The following RNLS variants were observed in gnomAD, a reference collection of about 807,000 sequenced individuals.
RNLS encodes renalase.
In RNLS, 39 loss-of-function variants were observed where a neutral mutation model predicts 39.8. The ratio of observed to expected loss-of-function variants is 0.98; its 90% CI spans 0.76 to 1.28. The LOEUF (loss-of-function observed/expected upper bound fraction) is 1.28. Ranked by LOEUF, RNLS falls within the 50% of genes most tolerant of loss-of-function variation. The pLI is 0.00. For missense variants in RNLS, 410 were observed against 413.3 expected, an observed-to-expected ratio of 0.99 and a Z score of 0.07; for synonymous variants, 147 against 150.7, an observed-to-expected ratio of 0.98 and a Z score of 0.18.
chr10:88,407,172 C>A (rs1319219683), intron 4 of RNLS, among the ~76,000 whole-genome samples: 5 of 152,054 alleles, frequency 3.3e-5, no homozygotes, highest in Non-Finnish European at 7.4e-5. Flanking sequence ...TAACCAAATA[C>A]CTCCTGAATC....
At chr10:88,435,801 C>T (rs1245747100) in intron 4 of RNLS, among the ~76,000 whole-genome samples, 1 of 152,074 alleles carries the variant, frequency 6.6e-6, no homozygotes, top group South Asian at 2.1e-4. Flanking sequence ...CCAGTGGCTA[C>T]CATGTGGAAA....
intron 4 of RNLS, among the ~76,000 whole-genome samples, chr10:88,399,532 C>T (rs1852785405): frequency 6.6e-6 from 1 of 151,864 alleles, no homozygotes; most frequent in African/African-American, 2.4e-5. Context: ...AAAAAGCAGA[C>T]ACACAAGTCC....
chr10:88,392,184 G>A (rs1393823308), intron 4 of RNLS, among the ~76,000 whole-genome samples: 1 of 152,238 alleles, frequency 6.6e-6, no homozygotes, highest in Non-Finnish European at 1.5e-5. Context: ...GCCTGAGGCA[G>A]TACATAAGAG....
chr10:88,390,686 C>A (rs1268956085), intron 4 of RNLS, among the ~76,000 whole-genome samples: 1 of 152,050 alleles, frequency 6.6e-6, no homozygotes, highest in Non-Finnish European at 1.5e-5. Flanking sequence ...AATGGTACTG[C>A]CTTCTAGGGG....
intron 4 of RNLS, among the ~76,000 whole-genome samples, chr10:88,473,425 A>AACACACAC (rs112846794): frequency 6.6e-6 from 1 of 150,480 alleles, no homozygotes; most frequent in Admixed American, 6.6e-5. Flanking sequence ...TGGGTAGTAA[A>AACACACAC]ACACACACAC....
chr10:88,269,389 T>G (rs1243691860), downstream of RNLS, among the ~76,000 whole-genome samples: 2 of 152,192 alleles, frequency 1.3e-5, no homozygotes, highest in Non-Finnish European at 1.5e-5. Context: ...AACTATTTTA[T>G]TAGTCCTCCC....
intron 4 of RNLS, among the ~76,000 whole-genome samples, chr10:88,472,908 A>G (rs1420220249): frequency 2.0e-5 from 3 of 152,194 alleles, no homozygotes; most frequent in Non-Finnish European, 1.5e-5. Flanking sequence ...AAAATCGTCT[A>G]TGTTGGGAAT....
At chr10:88,463,481 A>G (rs536906699) in intron 4 of RNLS, among the ~76,000 whole-genome samples, 12 of 152,134 alleles carry the variant, frequency 7.9e-5, no homozygotes, top group Admixed American at 2.0e-4. Context: ...ATAAATTTCT[A>G]TTGTTTAAGC....
chr10:88,411,671 G>GAGA (rs1160818120), intron 4 of RNLS, among the ~76,000 whole-genome samples: 1 of 152,088 alleles, frequency 6.6e-6, no homozygotes, highest in Non-Finnish European at 1.5e-5. Context: ...GTCCCTCATG[G>GAGA]AGAACATACC....
chr10:88,448,158 G>A (rs1348482340), intron 4 of RNLS, among the ~76,000 whole-genome samples: 1 of 152,148 alleles, frequency 6.6e-6, no homozygotes, highest in African/African-American at 2.4e-5. Flanking sequence ...ATTGACAAAT[G>A]GGATCTAATT....
At chr10:88,269,708 G>T (rs1383323742), downstream of RNLS, among the ~76,000 whole-genome samples, 1 of 152,170 alleles carries the variant, frequency 6.6e-6, no homozygotes, top group Non-Finnish European at 1.5e-5. Flanking sequence ...TGCTTTGAGG[G>T]GGCCTTAGAG....
chr10:88,191,151 G>T, the RNLS span, among the ~76,000 whole-genome samples: 1,886 of 152,262 alleles, frequency 0.012, 21 homozygotes, highest in Non-Finnish European at 0.017. Flanking sequence ...CTGTAGCGGT[G>T]GCTTGCCAGT....
At chr10:88,227,767 C>A in the RNLS span, among the ~76,000 whole-genome samples, 1 of 152,198 alleles carries the variant, frequency 6.6e-6, no homozygotes, top group African/African-American at 2.4e-5. Context: ...TCATTCCTTG[C>A]CAGTCATCCT....
intron 5 of RNLS, 123 bp downstream of exon 5, chr10:88,362,429 C>G: frequency 1.2e-6 from 1 of 814,822 alleles, no homozygotes; most frequent in Non-Finnish European, 1.8e-6. Flanking sequence ...TAAATTTTAT[C>G]CCCTGTGGCT....
intron 4 of RNLS, among the ~76,000 whole-genome samples, chr10:88,570,929 T>C (rs1350409150): frequency 6.6e-6 from 1 of 151,878 alleles, no homozygotes; most frequent in Non-Finnish European, 1.5e-5. Context: ...ACTTAAAAAA[T>C]TGTTAAAATA....
At chr10:88,310,359 G>A (rs1845269317) in intron 6 of RNLS, among the ~76,000 whole-genome samples, 1 of 152,160 alleles carries the variant, frequency 6.6e-6, no homozygotes, top group Non-Finnish European at 1.5e-5. Context: ...CCTAACACTG[G>A]ATTCATGGAA....
intron 4 of RNLS, among the ~76,000 whole-genome samples, chr10:88,515,797 C>T (rs1846374827): frequency 6.6e-6 from 1 of 151,878 alleles, no homozygotes. Context: ...GGGAGTGAAA[C>T]ATAGAGGGCA....
At chr10:88,266,417 C>T in the RNLS span, among the ~76,000 whole-genome samples, 1 of 152,126 alleles carries the variant, frequency 6.6e-6, no homozygotes, top group Admixed American at 6.6e-5. Context: ...AATAACTCCC[C>T]TGATTCCTGG....
intron 5 of RNLS, among the ~76,000 whole-genome samples, chr10:88,345,360 AT>A (rs1848237223): frequency 1.3e-5 from 2 of 152,186 alleles, no homozygotes; most frequent in South Asian, 4.1e-4. Flanking sequence ...TTTTGGAAAA[AT>A]TCTTATTCAA....
Sources: allele counts gnomAD v4.1 joint callset (sites outside exome capture counted in the v4.1 genomes callset), GRCh38; gene constraint gnomAD v4.1.1; transcripts MANE v1.5; gene names NCBI Gene and HGNC (gene_info 2026-07-23, HGNC 2026-07-21).